Variants in CFTR observed in about 807,000 individuals in gnomAD.
CFTR encodes CF transmembrane conductance regulator, also known as cystic fibrosis transmembrane conductance regulator.
CFTR carries 181 observed loss-of-function variants against 171.6 expected under a neutral mutation model. The ratio of observed to expected loss-of-function variants is 1.05; its 90% CI spans 0.93 to 1.19. The LOEUF (loss-of-function observed/expected upper bound fraction) is 1.19, where lower values mean the gene tolerates loss of function less well. CFTR is among the 50% of genes most tolerant of loss of function. The pLI is 0.00. For synonymous variants in CFTR, 583 were observed against 608.0 expected, an observed-to-expected ratio of 0.96 and a Z score of 0.60; for missense variants, 1,968 against 1,734.7, an observed-to-expected ratio of 1.13 and a Z score of -2.39.
At chr7:117,577,182 A>G (rs1791784843) in intron 11 of CFTR, among the ~76,000 whole-genome samples, 1 of 152,190 alleles carries the variant, frequency 6.6e-6, no homozygotes, top group Non-Finnish European at 1.5e-5. Flanking sequence ...GATGGAAGTC[A>G]TGGTGAGTTT....
At chr7:117,583,721 C>T (rs1791887436) in intron 11 of CFTR, among the ~76,000 whole-genome samples, 1 of 151,844 alleles carries the variant, frequency 6.6e-6, no homozygotes, top group African/African-American at 2.4e-5. Flanking sequence ...AATGGTAGTT[C>T]TCCTTTTAGT....
intron 11 of CFTR, among the ~76,000 whole-genome samples, chr7:117,563,325 C>T (rs1320235231): frequency 6.6e-6 from 1 of 151,944 alleles, no homozygotes; most frequent in African/African-American, 2.4e-5. Context: ...TATCTGACTA[C>T]AAGGAGAAAG....
At chr7:117,623,323 G>A (rs1440423573) in intron 21 of CFTR, among the ~76,000 whole-genome samples, 1 of 152,230 alleles carries the variant, frequency 6.6e-6, no homozygotes, top group Non-Finnish European at 1.5e-5. Flanking sequence ...CCAGCTTGCT[G>A]CTCTAGACAG....
intron 23 of CFTR, among the ~76,000 whole-genome samples, chr7:117,645,346 C>T (rs564336929): frequency 6.6e-6 from 1 of 152,166 alleles, no homozygotes; most frequent in Non-Finnish European, 1.5e-5. Flanking sequence ...CCCAATCCAA[C>T]CTATGAGCTT....
In CFTR at chr7:117,535,336, C is replaced by T; in HGVS notation, c.668C>T (p.Ala223Val). Residue 223 changes from alanine (A) to valine (V), a missense_variant, in exon 6 of 27, where the codon GCC becomes GTC. Coordinates refer to ENST00000003084, the MANE Select transcript of CFTR (RefSeq NM_000492.4). Reference protein sequence around the residue: ...GLIWELLQASAFCGLGFLIVL... With the variant: ...GLIWELLQASVFCGLGFLIVL... ...ATCTGGGAGTTGTTACAGGCGTCTG[C>T]CTTCTGTGGACTTGGTTTCCTGATA... is the stretch of plus-strand genomic sequence containing the variant. 1.2e-6 allele frequency: 2 copies of T among 1,614,040 alleles called. No individual in the cohort carries two copies. The highest frequency in any genetic ancestry group is 2.2e-5 in the South Asian group (2 of 91,072).
intron 10 of CFTR, among the ~76,000 whole-genome samples, chr7:117,555,263 C>T (rs1360640351): frequency 6.6e-6 from 1 of 152,150 alleles, no homozygotes; most frequent in Non-Finnish European, 1.5e-5. Context: ...ACTTAACACA[C>T]ACTAACACCT....
At chr7:117,577,015 A>G (rs1197855882) in intron 11 of CFTR, among the ~76,000 whole-genome samples, 2 of 152,142 alleles carry the variant, frequency 1.3e-5, no homozygotes, top group East Asian at 3.8e-4. Flanking sequence ...AGATAAGAAA[A>G]TGGATGACAG....
intron 24 of CFTR, among the ~76,000 whole-genome samples, chr7:117,654,980 C>G (rs1029503911): frequency 2.2e-4 from 34 of 152,150 alleles, no homozygotes; most frequent in African/African-American, 8.2e-4. Flanking sequence ...TTGTCTTGGA[C>G]TATAAATTCT....
intron 24 of CFTR, among the ~76,000 whole-genome samples, chr7:117,663,509 T>TAA (rs71148372): frequency 8.0e-5 from 10 of 124,414 alleles, no homozygotes; most frequent in East Asian, 2.4e-4. Flanking sequence ...CTTGTCCAGC[T>TAA]AAAAAAAAAA....
chr7:117,597,776 C>A (rs1235706044), intron 15 of CFTR, among the ~76,000 whole-genome samples: 1 of 148,400 alleles, frequency 6.7e-6, no homozygotes, highest in Non-Finnish European at 1.5e-5. Context: ...ATTGTGGTTT[C>A]TTTACCAAGC....
intron 21 of CFTR, among the ~76,000 whole-genome samples, chr7:117,615,846 T>C (rs1792479206): frequency 6.6e-6 from 1 of 152,062 alleles, no homozygotes; most frequent in Admixed American, 6.6e-5. Flanking sequence ...CATTGAATTT[T>C]TAAAGTATTT....
chr7:117,610,415 TTAAAG>T lies in CFTR; in HGVS notation c.2989-101_2989-97del, dbSNP rs1792363608. On this transcript the variant is annotated intron_variant, in intron 18 of 26. Coordinates refer to ENST00000003084, the MANE Select transcript of CFTR (RefSeq NM_000492.4). ...AAAAATAAAAAAAAGTTTGAGGTGTTTAAAGTATGCAAAAAAAAAAAAAGAAATAA... is the reference window on the plus strand; with the variant it reads ...AAAAATAAAAAAAAGTTTGAGGTGTTTATGCAAAAAAAAAAAAAGAAATAA... 5.9e-6 allele frequency: 6 copies of T among 1,022,760 alleles called. No homozygotes were observed. The Admixed American group carries it at 8.9e-5, about 15-fold the overall frequency. The allele number at this position is 1,022,760 out of a possible 1,614,324, so 63.4% of individuals were successfully genotyped here.
At chr7:117,593,107 C>A (rs1584813043) in intron 14 of CFTR, among the ~76,000 whole-genome samples, 2 of 152,260 alleles carry the variant, frequency 1.3e-5, no homozygotes, top group East Asian at 3.9e-4. Context: ...AACTCACATT[C>A]TGGTTTGTAT....
intron 10 of CFTR, among the ~76,000 whole-genome samples, 186 bp downstream of exon 10, chr7:117,549,009 C>A (rs1233136878): frequency 6.6e-6 from 1 of 152,200 alleles, no homozygotes; most frequent in African/African-American, 2.4e-5. Context: ...TTTTTATTTC[C>A]TCATATTATT....
chr7:117,638,736 CATAAATAA>C (rs201930686), intron 22 of CFTR, among the ~76,000 whole-genome samples: 30 of 145,042 alleles, frequency 2.1e-4, no homozygotes, highest in South Asian at 4.4e-4. Flanking sequence ...AACTCCATCT[CATAAATAA>C]ATAAATAAAT....
At chr7:117,559,352 A>G in intron 10 of CFTR, 112 bp from the exon 11 acceptor site, 2 of 779,164 alleles carry the variant, frequency 2.6e-6, no homozygotes, top group South Asian at 1.4e-5. Flanking sequence ...AAATGAGTTA[A>G]TAGAATCTTT....
intron 11 of CFTR, among the ~76,000 whole-genome samples, chr7:117,560,045 ATTAAGATTATT>A (rs774011444): frequency 6.6e-6 from 1 of 151,920 alleles, no homozygotes; most frequent in Non-Finnish European, 1.5e-5. Context: ...TCCAAAAATT[ATTAAGATTATT>A]TTAATAATTT....
intron 22 of CFTR, among the ~76,000 whole-genome samples, chr7:117,635,039 G>A (rs946707316): frequency 1.3e-5 from 2 of 152,038 alleles, no homozygotes; most frequent in African/African-American, 4.8e-5. Context: ...TCCATTCTTT[G>A]CAGAGGGACA....
chr7:117,493,995 T>C (rs1798201039), intron 1 of CFTR, among the ~76,000 whole-genome samples: 1 of 152,034 alleles, frequency 6.6e-6, no homozygotes, highest in South Asian at 2.1e-4. Context: ...AAGAGAAAAA[T>C]TCCAGAATCG....
Sources: allele counts gnomAD v4.1 joint callset (sites outside exome capture counted in the v4.1 genomes callset), GRCh38; gene constraint gnomAD v4.1.1; transcripts MANE v1.5; gene names NCBI Gene and HGNC (gene_info 2026-07-23, HGNC 2026-07-21).